Variants in FER1L6 observed in about 807,000 individuals in gnomAD.
FER1L6 encodes fer-1-like protein 6.
FER1L6 carries 177 observed loss-of-function variants against 219.2 expected under a neutral mutation model. The observed-to-expected ratio is 0.81, with a 90% CI of 0.71 to 0.91. The LOEUF is 0.91. Ranked by LOEUF, FER1L6 falls within the 40% of genes least tolerant of loss-of-function variation. The probability of loss-of-function intolerance (pLI) is 0.00; values close to 1 mark genes in which losing one functional copy is unlikely to be tolerated. For synonymous variants in FER1L6, 768 were observed against 824.3 expected, an observed-to-expected ratio of 0.93 and a Z score of 1.17; for missense variants, 2,153 against 2,259.9, an observed-to-expected ratio of 0.95 and a Z score of 0.96.
At chr8:123,905,775 T>A (rs1812942364) in intron 1 of FER1L6, among the ~76,000 whole-genome samples, 2 of 152,142 alleles carry the variant, frequency 1.3e-5, no homozygotes, top group African/African-American at 4.8e-5. Context: ...CTATTATTAT[T>A]TTTTTCTGAG....
chr8:124,059,653 T>C (rs1185211382), intron 22 of FER1L6, among the ~76,000 whole-genome samples: 3 of 152,230 alleles, frequency 2.0e-5, no homozygotes, highest in Admixed American at 2.0e-4. Context: ...CTTCAAAACA[T>C]TTCATTTTCT....
At chr8:123,914,003 G>C (rs532002317) in intron 1 of FER1L6, among the ~76,000 whole-genome samples, 1 of 152,250 alleles carries the variant, frequency 6.6e-6, no homozygotes, top group Admixed American at 6.5e-5. Flanking sequence ...GATTTATTGG[G>C]TCCTTTTTAG....
At chr8:123,998,373 A>ACACTCTCTCTCTCT in intron 12 of FER1L6, among the ~76,000 whole-genome samples, 1 of 32,478 alleles carries the variant, frequency 3.1e-5, no homozygotes, top group Admixed American at 4.6e-4. Flanking sequence ...AAAGAGGGAA[A>ACACTCTCTCTCTCT]CTCTCTCTCT....
rs202131514 is a variant in FER1L6, at chr8:124,061,991, T to C, written c.3287T>C (p.Leu1096Pro). The change falls in exon 25 of 41, where the codon CTT becomes CCT. Residue 1096 changes from leucine to proline, a missense_variant. Transcript: ENST00000522917. ...KQFLCKLREP[L>P]APITQVDGTQ... ...TTTTTGTGTAAACTCAGAGAGCCCC[T>C]TGCCCCCATCACACAGGTGGATGGA... 40 of 1,614,178 alleles carry C rather than the reference T, an allele frequency of 2.5e-5. No homozygotes were observed. The highest frequency in any genetic ancestry group is 3.2e-5 in the Non-Finnish European group (38 of 1,180,010).
At chr8:124,027,519 G>C (rs923542337) in intron 18 of FER1L6, among the ~76,000 whole-genome samples, 1 of 152,104 alleles carries the variant, frequency 6.6e-6, no homozygotes, top group Non-Finnish European at 1.5e-5. Flanking sequence ...CATATCCAGC[G>C]AGTTGTCTGA....
At chr8:123,920,195 C>T (rs1332923753) in intron 1 of FER1L6, among the ~76,000 whole-genome samples, 1 of 152,182 alleles carries the variant, frequency 6.6e-6, no homozygotes, top group African/African-American at 2.4e-5. Flanking sequence ...CTGAGGCTCA[C>T]CCTAACTCCA....
chr8:124,009,765 A>T (rs986739757), intron 13 of FER1L6, among the ~76,000 whole-genome samples: 7 of 151,690 alleles, frequency 4.6e-5, no homozygotes, highest in Non-Finnish European at 2.9e-5. Flanking sequence ...CCCAGCGAGG[A>T]GCCATGTTGT....
chr8:123,963,139 A>C (rs991852163), intron 2 of FER1L6, 139 bp from the exon 3 acceptor site: 1 of 1,122,634 alleles, frequency 8.9e-7, no homozygotes, highest in Admixed American at 2.5e-5. Context: ...TAAGATGTTA[A>C]GTTTTATGCT....
chr8:124,103,267 T>C lies in FER1L6; in HGVS notation c.5247T>C (p.Arg1749=). ...ETKISIFQQK[R]VRGWWPFSKS... The stretch of plus-strand genomic sequence containing the variant: ...AGATCTCTATATTCCAGCAAAAACG[T>C]GTGCGTGGCTGGTGGCCTTTTTCTA... Residue 1749 remains arginine (R), a synonymous_variant, in exon 39 of 41, where the codon CGT becomes CGC. Coordinates refer to ENST00000522917, the MANE Select transcript of FER1L6 (RefSeq NM_001039112.2). 1 of 1,614,018 alleles carries C rather than the reference T, an allele frequency of 6.2e-7. No individual in the cohort carries two copies. Among genetic ancestry groups the C allele is most frequent in the Non-Finnish European group, 8.5e-7 (1 of 1,179,988 alleles).
At chr8:123,885,093 G>C (rs1392360597) in intron 1 of FER1L6, among the ~76,000 whole-genome samples, 2 of 152,166 alleles carry the variant, frequency 1.3e-5, no homozygotes, top group African/African-American at 4.8e-5. Flanking sequence ...AGGACTGATG[G>C]AGCCATCAGA....
chr8:123,892,877 C>T (rs1205109444), intron 1 of FER1L6, among the ~76,000 whole-genome samples: 1 of 152,002 alleles, frequency 6.6e-6, no homozygotes, highest in Non-Finnish European at 1.5e-5. Context: ...ACATATTAAG[C>T]TTATTGTTAT....
rs149605990 is a variant in FER1L6 at position 124,102,648 on chromosome 8, A to C, written c.5126-498A>C. Among the ~76,000 whole-genome samples the C allele has an allele frequency of 3.9e-5, 6 of 152,372 alleles. No homozygotes were observed. The East Asian group carries it at 1.2e-3, about 29-fold the overall frequency. ...CCTTGTGTTCCCTCGTTGGAAAAAC[A>C]GTGTTGGGAACCCACTAAGGTTCAC... On this transcript the variant is annotated intron_variant, in intron 38 of 40. Transcript: ENST00000522917.
intron 2 of FER1L6, among the ~76,000 whole-genome samples, chr8:123,957,698 C>A (rs1269198387): frequency 6.6e-6 from 1 of 152,154 alleles, no homozygotes; most frequent in African/African-American, 2.4e-5. Context: ...TGGGCAGCCT[C>A]CAGTTAACAG....
intron 5 of FER1L6, 54 bp from the exon 6 acceptor site, chr8:123,969,981 A>T (rs961458150): frequency 7.0e-7 from 1 of 1,432,824 alleles, no homozygotes; most frequent in African/African-American, 1.4e-5. Flanking sequence ...CAAGGACAGG[A>T]TTCTTAGGTG....
At chr8:123,866,825 C>T (rs1462014696) in intron 1 of FER1L6, among the ~76,000 whole-genome samples, 6 of 152,128 alleles carry the variant, frequency 3.9e-5, no homozygotes, top group Non-Finnish European at 4.4e-5. Context: ...CTCTTTATTG[C>T]CCAGGCTGAT....
chr8:123,923,525 T>C (rs1813442394), intron 1 of FER1L6, among the ~76,000 whole-genome samples: 1 of 152,226 alleles, frequency 6.6e-6, no homozygotes, highest in East Asian at 1.9e-4. Flanking sequence ...GAAAAAGTTA[T>C]GCATAAGAGT....
chr8:123,894,069 C>T (rs934669666), intron 1 of FER1L6, among the ~76,000 whole-genome samples: 7 of 152,186 alleles, frequency 4.6e-5, no homozygotes, highest in Admixed American at 3.3e-4. Context: ...CCAATAGCTC[C>T]ATGGACAGTT....
intron 38 of FER1L6, 141 bp from the exon 39 acceptor site, chr8:124,103,005 G>A (rs1232933496): frequency 2.6e-6 from 2 of 779,368 alleles, no homozygotes; most frequent in Non-Finnish European, 4.2e-6. Context: ...CCAATACCTA[G>A]CACATAGTTG....
At chr8:123,861,340 T>C (rs1222072504) in intron 1 of FER1L6, among the ~76,000 whole-genome samples, 1 of 146,786 alleles carries the variant, frequency 6.8e-6, no homozygotes, top group East Asian at 2.0e-4. Context: ...CATTGATCTA[T>C]ATCTCTGTTT....
Sources: allele counts gnomAD v4.1 joint callset (sites outside exome capture counted in the v4.1 genomes callset), GRCh38; gene constraint gnomAD v4.1.1; transcripts MANE v1.5; gene names NCBI Gene and HGNC (gene_info 2026-07-23, HGNC 2026-07-21).